Variants in NKAIN2 observed in about 807,000 individuals in gnomAD.
NKAIN2 encodes sodium/potassium-transporting ATPase subunit beta-1-interacting protein 2.
A neutral mutation model predicts 32.6 loss-of-function variants in NKAIN2; 14 were observed. The ratio of observed to expected loss-of-function variants is 0.43; its 90% CI spans 0.28 to 0.67. The LOEUF (loss-of-function observed/expected upper bound fraction) is 0.67, where lower values mean the gene tolerates loss of function less well. Ranked by LOEUF, NKAIN2 falls within the 30% of genes least tolerant of loss-of-function variation. The pLI is 0.17. For missense variants in NKAIN2, 198 were observed against 258.3 expected, an observed-to-expected ratio of 0.77 and a Z score of 1.60; for synonymous variants, 80 against 87.2, an observed-to-expected ratio of 0.92 and a Z score of 0.46.
intron 3 of NKAIN2, among the ~76,000 whole-genome samples, chr6:124,591,016 A>G (rs1781891875): frequency 6.6e-6 from 1 of 152,244 alleles, no homozygotes; most frequent in Non-Finnish European, 1.5e-5. Context: ...TGCAGCCATC[A>G]CCAACAGGTG....
intron 3 of NKAIN2, among the ~76,000 whole-genome samples, chr6:124,364,943 G>T (rs1328149887): frequency 1.3e-5 from 2 of 151,820 alleles, no homozygotes; most frequent in South Asian, 2.1e-4. Context: ...GTGTTCTAAG[G>T]TTGTAGCATT....
At chr6:124,492,709 T>C (rs1433847274) in intron 3 of NKAIN2, among the ~76,000 whole-genome samples, 1 of 152,050 alleles carries the variant, frequency 6.6e-6, no homozygotes, top group African/African-American at 2.4e-5. Context: ...TTACAAACTA[T>C]GATATACTTA....
At chr6:124,386,836 C>T (rs780557116) in intron 3 of NKAIN2, among the ~76,000 whole-genome samples, 1 of 152,126 alleles carries the variant, frequency 6.6e-6, no homozygotes, top group Non-Finnish European at 1.5e-5. Context: ...TATTTGTAAA[C>T]TATTGATTTC....
intron 3 of NKAIN2, among the ~76,000 whole-genome samples, chr6:124,460,760 T>C (rs1776500585): frequency 6.6e-6 from 1 of 151,764 alleles, no homozygotes; most frequent in African/African-American, 2.4e-5. Flanking sequence ...CTTATGTCTT[T>C]CTTCAGCTCT....
intron 3 of NKAIN2, among the ~76,000 whole-genome samples, chr6:124,441,652 G>A (rs1289059010): frequency 1.3e-5 from 2 of 152,078 alleles, no homozygotes; most frequent in African/African-American, 4.8e-5. Flanking sequence ...ACTTTCAGAT[G>A]ATTCTATTCC....
chr6:124,344,291 C>T (rs1021136451), intron 2 of NKAIN2, among the ~76,000 whole-genome samples: 3 of 152,162 alleles, frequency 2.0e-5, no homozygotes, highest in Admixed American at 2.0e-4. Flanking sequence ...GTTCTTTTGG[C>T]TTAGGATTCA....
At chr6:124,813,800 A>C (rs1781021163) in intron 5 of NKAIN2, among the ~76,000 whole-genome samples, 1 of 152,170 alleles carries the variant, frequency 6.6e-6, no homozygotes, top group African/African-American at 2.4e-5. Flanking sequence ...TAAGGATATA[A>C]GGAGATTCTT....
chr6:124,336,663 A>T (rs1168626331), intron 2 of NKAIN2, among the ~76,000 whole-genome samples: 3 of 149,188 alleles, frequency 2.0e-5, no homozygotes, highest in Admixed American at 6.7e-5. Context: ...TAACTGAAAT[A>T]GTTTGTTTTT....
intron 4 of NKAIN2, among the ~76,000 whole-genome samples, chr6:124,690,805 C>G (rs7774956): frequency 6.6e-6 from 1 of 152,020 alleles, no homozygotes; most frequent in South Asian, 2.1e-4. Flanking sequence ...CAATTGAATG[C>G]ACTTCCTCTC....
intron 1 of NKAIN2, among the ~76,000 whole-genome samples, chr6:123,865,322 A>T (rs1487738235): frequency 6.6e-6 from 1 of 152,138 alleles, no homozygotes. Flanking sequence ...AAAAAGCTAT[A>T]TCTGATACTA....
At chr6:124,336,375 T>C (rs932395814) in intron 2 of NKAIN2, among the ~76,000 whole-genome samples, 3 of 152,186 alleles carry the variant, frequency 2.0e-5, no homozygotes, top group Non-Finnish European at 4.4e-5. Context: ...ATCTCATGTG[T>C]GCCTCTCTAG....
At chr6:123,999,270 A>G (rs536852714) in intron 1 of NKAIN2, among the ~76,000 whole-genome samples, 1 of 152,262 alleles carries the variant, frequency 6.6e-6, no homozygotes, top group South Asian at 2.1e-4. Context: ...TCCTGACATT[A>G]TATTCTAAGG....
chr6:124,755,611 C>T (rs1777927321), intron 4 of NKAIN2, among the ~76,000 whole-genome samples: 1 of 152,108 alleles, frequency 6.6e-6, no homozygotes, highest in Admixed American at 6.6e-5. Context: ...AACACAGGAA[C>T]AGCAAATCAA....
chr6:124,501,007 T>G lies in NKAIN2; in HGVS notation c.273+145660T>G, dbSNP rs1189978293. Among the ~76,000 whole-genome samples the G allele has an allele frequency of 2.0e-5, 3 of 152,168 alleles. No homozygotes were observed. The East Asian group carries it at 5.8e-4, about 29-fold the overall frequency. ...AAGATGCTAAATAACAGAAGAAAAC[T>G]TCTTTAACAAGCAGTGCGGAGCCAT... On this transcript the variant is annotated intron_variant, in intron 3 of 6. Transcript: ENST00000368417.
chr6:124,751,448 G>T lies in NKAIN2; in HGVS notation c.475-39891G>T, dbSNP rs549657831. On this transcript the variant is annotated intron_variant, in intron 4 of 6. Coordinates refer to ENST00000368417, the MANE Select transcript of NKAIN2 (RefSeq NM_001040214.3). The stretch of plus-strand genomic sequence containing the variant: ...TTAGTCAACCAGAGGGGAATGCTAA[G>T]GTCCTCTTGGTGAGGAGGAACCTAA... 1.1e-4 allele frequency among the ~76,000 whole-genome samples: 16 copies of T among 152,104 alleles called. No homozygotes were observed. In the East Asian group the frequency reaches 3.1e-3, roughly 30 times the overall value.
rs777466801 is a variant in NKAIN2 at position 123,849,949 on chromosome 6, G to GTTTT, written c.54+45704_54+45707dup. ...TGGTTTCACTCTGTAACTCAGGCTG[G>GTTTT]TTTTTTTTTTTTGTTTGTTTGTTTT... is the stretch of plus-strand genomic sequence containing the variant. On this transcript the variant is annotated intron_variant, in intron 1 of 6. Transcript: ENST00000368417. Among the ~76,000 whole-genome samples the GTTTT allele has an allele frequency of 2.8e-3, 109 of 38,664 alleles. 4 individuals are homozygous for GTTTT. The highest frequency in any genetic ancestry group is 4.2e-3 in the African/African-American group (103 of 24,294). The allele number at this position is 38,664 out of a possible 152,430, so 25.4% of individuals were successfully genotyped here.
At chr6:124,063,478 ATCTT>A (rs982548898) in intron 1 of NKAIN2, among the ~76,000 whole-genome samples, 70 of 152,060 alleles carry the variant, frequency 4.6e-4, no homozygotes, top group Admixed American at 2.0e-4. Context: ...AGTTCTTTCA[ATCTT>A]TCTTTCTTTC....
chr6:124,401,994 C>G (rs983776004), intron 3 of NKAIN2, among the ~76,000 whole-genome samples: 2 of 152,100 alleles, frequency 1.3e-5, no homozygotes, highest in African/African-American at 4.8e-5. Flanking sequence ...AATAAATACT[C>G]TCCTGTACTC....
chr6:123,840,290 A>G (rs980384028), intron 1 of NKAIN2, among the ~76,000 whole-genome samples: 3 of 152,068 alleles, frequency 2.0e-5, no homozygotes, highest in African/African-American at 7.2e-5. Flanking sequence ...TTAAACTATA[A>G]AAGTCATATT....
Sources: gnomAD v4.1 joint callset for allele counts (sites outside exome capture counted in the v4.1 genomes callset) on GRCh38, gnomAD v4.1.1 for gene constraint, MANE v1.5 for transcripts, NCBI Gene and HGNC (gene_info 2026-07-23, HGNC 2026-07-21) for gene names.